The following PARVA variants were observed in gnomAD, a reference collection of about 807,000 sequenced individuals.
PARVA encodes the protein alpha-parvin.
A neutral mutation model predicts 52.6 loss-of-function variants in PARVA; 25 were observed. The ratio of observed to expected loss-of-function variants is 0.48; its 90% CI spans 0.35 to 0.66. The LOEUF (loss-of-function observed/expected upper bound fraction) is 0.66, where lower values mean the gene tolerates loss of function less well. Ranked by LOEUF, PARVA falls within the 30% of genes least tolerant of loss-of-function variation. The probability of loss-of-function intolerance (pLI) is 0.01; values close to 1 mark genes in which losing one functional copy is unlikely to be tolerated. For synonymous variants in PARVA, 185 were observed against 179.1 expected, an observed-to-expected ratio of 1.03 and a Z score of -0.26; for missense variants, 373 against 450.9, an observed-to-expected ratio of 0.83 and a Z score of 1.56.
chr11:12,383,822 A>C (rs377224769), intron 1 of PARVA, among the ~76,000 whole-genome samples: 1 of 152,162 alleles, frequency 6.6e-6, no homozygotes, highest in African/African-American at 2.4e-5. Context: ...AAAAGTTTCT[A>C]ATACATTTAT....
At chr11:12,377,113 T>G, upstream of PARVA, 3 of 177,582 alleles carry the variant, frequency 1.7e-5, no homozygotes, top group South Asian at 1.6e-4. Flanking sequence ...CCTGGACACA[T>G]TTTGGTTCAC....
At chr11:12,497,887 T>C (rs1941318277) in intron 5 of PARVA, among the ~76,000 whole-genome samples, 1 of 152,168 alleles carries the variant, frequency 6.6e-6, no homozygotes, top group Non-Finnish European at 1.5e-5. Context: ...TGAAGACTGC[T>C]GTTTAGTTTG....
intron 6 of PARVA, among the ~76,000 whole-genome samples, chr11:12,508,036 A>G (rs1941454238): frequency 6.7e-6 from 1 of 150,312 alleles, no homozygotes; most frequent in African/African-American, 2.5e-5. Flanking sequence ...CTTTTCTCAG[A>G]GAATAAGCTA....
intron 1 of PARVA, among the ~76,000 whole-genome samples, chr11:12,466,396 T>C (rs1271937790): frequency 6.6e-6 from 1 of 151,254 alleles, no homozygotes; most frequent in Admixed American, 6.6e-5. Flanking sequence ...AACCTCTGCC[T>C]CTTGAGTTCA....
intron 8 of PARVA, 70 bp from the exon 9 acceptor site, chr11:12,513,228 TG>T (rs780533309): frequency 8.0e-6 from 11 of 1,372,360 alleles, no homozygotes; most frequent in Non-Finnish European, 1.1e-5. Flanking sequence ...CGCGTGGCTC[TG>T]GGACCCAAGG....
chr11:12,532,867 C>T lies in PARVA; in HGVS notation c.*4942C>T, dbSNP rs1045558977. Among the ~76,000 whole-genome samples the T allele has an allele frequency of 3.6e-4, 55 of 152,254 alleles. No homozygotes were observed. The highest frequency in any genetic ancestry group is 1.3e-3 in the African/African-American group (55 of 41,558). ...AGAAGACGGATCCGATCGCAGGCATCGGGAGTGCTGATTTTTCTCCTTTGA... is the reference window on the plus strand; with the variant it reads ...AGAAGACGGATCCGATCGCAGGCATTGGGAGTGCTGATTTTTCTCCTTTGA... On this transcript the variant is annotated 3_prime_UTR_variant, in exon 13 of 13. Transcript: ENST00000334956.
At chr11:12,468,212 CT>C (rs758317621) in intron 1 of PARVA, among the ~76,000 whole-genome samples, 4 of 152,212 alleles carry the variant, frequency 2.6e-5, no homozygotes, top group Non-Finnish European at 5.9e-5. Flanking sequence ...ATCTGCGGGC[CT>C]ACCTTTCCCA....
At chr11:12,516,417 C>T (rs950218669) in intron 10 of PARVA, among the ~76,000 whole-genome samples, 22 of 152,086 alleles carry the variant, frequency 1.4e-4, no homozygotes, top group Admixed American at 1.3e-3. Context: ...CCCCCTACTC[C>T]TCCCAAGGTC....
rs1450120269 is a variant in PARVA, at chr11:12,426,777, T to A, written c.137-46968T>A. Among the ~76,000 whole-genome samples, 4 of 152,022 alleles carry A rather than the reference T, an allele frequency of 2.6e-5. No individual in the cohort carries two copies. The South Asian group carries it at 8.3e-4, about 32-fold the overall frequency. On this transcript the variant is annotated intron_variant, in intron 1 of 12. Coordinates refer to ENST00000334956, the MANE Select transcript of PARVA (RefSeq NM_018222.5). ...CGCTGCCTGACCACCACAAGATTAC[T>A]TGGCCACTGTGTGGCTGGAGGAATT... is the stretch of plus-strand genomic sequence containing the variant.
intron 1 of PARVA, among the ~76,000 whole-genome samples, chr11:12,468,780 G>A (rs755161406): frequency 3.9e-5 from 6 of 152,132 alleles, no homozygotes; most frequent in African/African-American, 9.7e-5. Flanking sequence ...GCTACAAAAT[G>A]GCTGCAACAA....
intron 5 of PARVA, among the ~76,000 whole-genome samples, chr11:12,498,178 C>A (rs1038765074): frequency 6.6e-6 from 1 of 151,756 alleles, no homozygotes; most frequent in Non-Finnish European, 1.5e-5. Context: ...GGATTACAGG[C>A]GTGTGCCACC....
intron 1 of PARVA, among the ~76,000 whole-genome samples, chr11:12,450,543 G>A (rs1408855265): frequency 1.3e-5 from 2 of 152,192 alleles, no homozygotes; most frequent in African/African-American, 4.8e-5. Flanking sequence ...GGGTTCTCTA[G>A]AGGGACAGAA....
chr11:12,534,478 G>C lies in PARVA; in HGVS notation c.*6553G>C, dbSNP rs1198175363. 1.3e-5 allele frequency among the ~76,000 whole-genome samples: 2 copies of C among 152,082 alleles called. No homozygotes were observed. Among genetic ancestry groups the C allele is most frequent in the African/African-American group, 2.4e-5 (1 of 41,402 alleles). On this transcript the variant is annotated 3_prime_UTR_variant, in exon 13 of 13. Transcript: ENST00000334956. ...TGGCTTTGATACTGGCATTTGGAAG[G>C]GCACTTGGGAAATTCAGAGAAGTAC...
intron 4 of PARVA, among the ~76,000 whole-genome samples, chr11:12,494,280 A>C (rs1278361566): frequency 1.3e-5 from 2 of 152,178 alleles, no homozygotes; most frequent in African/African-American, 4.8e-5. Context: ...TGATTAAATC[A>C]CTGGCCATTG....
chr11:12,426,398 A>AGGGG (rs1940235996), intron 1 of PARVA, among the ~76,000 whole-genome samples: 1 of 151,598 alleles, frequency 6.6e-6, no homozygotes, highest in South Asian at 2.1e-4. Flanking sequence ...GTGAGTAAGG[A>AGGGG]GGGGGAGTGG....
intron 6 of PARVA, 61 bp downstream of exon 6, chr11:12,504,490 A>G (rs748326478): frequency 4.3e-5 from 44 of 1,031,568 alleles, no homozygotes; most frequent in East Asian, 3.2e-4. Flanking sequence ...TCGAGTTCCT[A>G]TGGTGCGTCG....
chr11:12,389,210 A>G (rs1939622991), intron 1 of PARVA, among the ~76,000 whole-genome samples: 1 of 152,124 alleles, frequency 6.6e-6, no homozygotes, highest in Non-Finnish European at 1.5e-5. Flanking sequence ...ATGTGCTCAG[A>G]AGCAGGCCTT....
At chr11:12,418,857 T>C (rs1036424746) in intron 1 of PARVA, among the ~76,000 whole-genome samples, 1 of 152,206 alleles carries the variant, frequency 6.6e-6, no homozygotes, top group African/African-American at 2.4e-5. Flanking sequence ...ATTGCTGTGA[T>C]AACTGATGTG....
At chr11:12,399,773 G>A (rs752351387) in intron 1 of PARVA, among the ~76,000 whole-genome samples, 1 of 151,926 alleles carries the variant, frequency 6.6e-6, no homozygotes, top group Non-Finnish European at 1.5e-5. Flanking sequence ...ATCTTCTTTA[G>A]TGACTATAAT....
Sources: gnomAD v4.1 joint callset for allele counts (sites outside exome capture counted in the v4.1 genomes callset) on GRCh38, gnomAD v4.1.1 for gene constraint, MANE v1.5 for transcripts, NCBI Gene and HGNC (gene_info 2026-07-23, HGNC 2026-07-21) for gene names.